The following PLEKHA1 variants were observed in gnomAD, a reference collection of about 807,000 sequenced individuals.
PLEKHA1 encodes the protein pleckstrin homology domain containing A1.
In PLEKHA1, 34 loss-of-function variants were observed where a neutral mutation model predicts 52.0. That is an observed-to-expected ratio of 0.65 (90% CI 0.50 to 0.87). PLEKHA1 has a LOEUF of 0.87. PLEKHA1 is among the 40% of genes least tolerant of loss of function. The pLI, the probability that PLEKHA1 is intolerant of heterozygous loss-of-function variation, is 0.00. For synonymous variants in PLEKHA1, 163 were observed against 170.7 expected (o/e 0.95, Z 0.35); for missense variants, 497 against 504.2 (o/e 0.99, Z 0.14).
intron 1 of PLEKHA1, among the ~76,000 whole-genome samples, chr10:122,383,033 A>G (rs1420366874): frequency 6.6e-6 from 1 of 152,192 alleles, no homozygotes; most frequent in Non-Finnish European, 1.5e-5. Context: ...TCATCAGTAT[A>G]GTGTGTTGTC....
At chr10:122,396,531 G>A (rs1007425558) in intron 2 of PLEKHA1, among the ~76,000 whole-genome samples, 1 of 152,030 alleles carries the variant, frequency 6.6e-6, no homozygotes, top group African/African-American at 2.4e-5. Context: ...ACAATATATA[G>A]GTGTGAAAGT....
intron 11 of PLEKHA1, among the ~76,000 whole-genome samples, chr10:122,428,653 C>T (rs529263051): frequency 1.1e-4 from 17 of 148,002 alleles, no homozygotes; most frequent in African/African-American, 2.1e-4. Flanking sequence ...ACAATACTTA[C>T]GAAATGCACC....
At chr10:122,417,054 G>T (rs942829231) in intron 7 of PLEKHA1, 5 of 152,846 alleles carry the variant, frequency 3.3e-5, no homozygotes, top group Non-Finnish European at 7.3e-5. Flanking sequence ...TAGCCTGATG[G>T]TTCCTTTTTG....
chr10:122,381,642 C>A (rs1034558026), intron 1 of PLEKHA1, among the ~76,000 whole-genome samples: 2 of 152,196 alleles, frequency 1.3e-5, no homozygotes, highest in African/African-American at 4.8e-5. Flanking sequence ...CTAATTAAAC[C>A]TCTTTTCTTT....
the PLEKHA1 span, chr10:122,440,828 C>T: frequency 4.6e-5 from 7 of 152,236 alleles, no homozygotes; most frequent in African/African-American, 1.2e-4. Context: ...AAAATGCAAA[C>T]GAATTCTAGT....
intron 1 of PLEKHA1, chr10:122,386,768 A>C: frequency 6.6e-6 from 1 of 152,212 alleles, no homozygotes; most frequent in Non-Finnish European, 1.5e-5. Flanking sequence ...TACTAGAAGA[A>C]TTTTTAAAAG....
At chr10:122,382,589 T>C (rs1004016860) in intron 1 of PLEKHA1, among the ~76,000 whole-genome samples, 26 of 152,248 alleles carry the variant, frequency 1.7e-4, no homozygotes, top group Non-Finnish European at 3.5e-4. Flanking sequence ...TAGTGTTCAT[T>C]GAAGATGCTT....
intron 1 of PLEKHA1, chr10:122,387,940 A>T (rs1246924121): frequency 6.6e-6 from 1 of 152,208 alleles, no homozygotes; most frequent in Non-Finnish European, 1.5e-5. Flanking sequence ...TCAAACTAAG[A>T]AGTAAGATAA....
rs150353694 is a variant in PLEKHA1, at chr10:122,400,053, T to C, written c.199-290T>C. Among the ~76,000 whole-genome samples the C allele has an allele frequency of 3.7e-4, 57 of 152,360 alleles. No homozygotes were observed. In the East Asian group the frequency reaches 8.7e-3, roughly 23 times the overall value. The stretch of plus-strand genomic sequence containing the variant: ...TTTAAACTAAAAATACTTGTGTGTA[T>C]GACATAAAGCCTAATGGTTTACTTT... On this transcript the variant is annotated intron_variant, in intron 3 of 11. Transcript: ENST00000368990.
chr10:122,403,997 T>G (rs1409036174), intron 4 of PLEKHA1, among the ~76,000 whole-genome samples: 1 of 152,160 alleles, frequency 6.6e-6, no homozygotes, highest in Non-Finnish European at 1.5e-5. Context: ...CTGCTTTACA[T>G]TTTTTATAGT....
intron 1 of PLEKHA1, among the ~76,000 whole-genome samples, chr10:122,377,510 A>C (rs1032171697): frequency 3.3e-5 from 5 of 152,216 alleles, no homozygotes; most frequent in African/African-American, 1.2e-4. Context: ...CACATCCAGC[A>C]TTTAAGAATT....
At chr10:122,428,654 G>A (rs1055214609) in intron 11 of PLEKHA1, among the ~76,000 whole-genome samples, 5 of 152,022 alleles carry the variant, frequency 3.3e-5, no homozygotes, top group African/African-American at 4.8e-5. Context: ...CAATACTTAC[G>A]AAATGCACCA....
intron 4 of PLEKHA1, among the ~76,000 whole-genome samples, chr10:122,403,363 C>T (rs570550792): frequency 2.6e-5 from 4 of 152,194 alleles, no homozygotes; most frequent in African/African-American, 9.6e-5. Flanking sequence ...ACCTCTTGAT[C>T]CAAAACCGTA....
At chr10:122,404,808 T>G (rs934715115) in intron 4 of PLEKHA1, among the ~76,000 whole-genome samples, 1 of 152,218 alleles carries the variant, frequency 6.6e-6, no homozygotes, top group African/African-American at 2.4e-5. Context: ...GACCTTCATC[T>G]CAATTCAAGG....
intron 1 of PLEKHA1, among the ~76,000 whole-genome samples, chr10:122,382,603 TAA>T (rs1317937122): frequency 6.6e-6 from 1 of 152,222 alleles, no homozygotes; most frequent in African/African-American, 2.4e-5. Flanking sequence ...GATGCTTGTG[TAA>T]ATCAGTGAGA....
At chr10:122,422,937 A>T (rs963598067) in intron 8 of PLEKHA1, 1 of 152,198 alleles carries the variant, frequency 6.6e-6, no homozygotes, top group African/African-American at 2.4e-5. Context: ...TCTGTCACAC[A>T]CATATATAAA....
the PLEKHA1 span, chr10:122,438,677 G>C: frequency 6.6e-6 from 1 of 152,254 alleles, no homozygotes; most frequent in Non-Finnish European, 1.5e-5. Flanking sequence ...AACCCACTGA[G>C]CTCTGTGTGC....
At chr10:122,425,178 G>A (rs1485823874) in intron 10 of PLEKHA1, 5 of 360,910 alleles carry the variant, frequency 1.4e-5, no homozygotes, top group Non-Finnish European at 2.5e-5. Flanking sequence ...CTAGAACTAA[G>A]TATTTAGAGA....
At chr10:122,396,280 A>G (rs916856036) in intron 2 of PLEKHA1, among the ~76,000 whole-genome samples, 2 of 152,120 alleles carry the variant, frequency 1.3e-5, no homozygotes, top group African/African-American at 2.4e-5. Context: ...TTTTGAAAAA[A>G]TCACTTTGGT....
Sources: allele counts gnomAD v4.1 joint callset (sites outside exome capture counted in the v4.1 genomes callset), GRCh38; gene constraint gnomAD v4.1.1; transcripts MANE v1.5; gene names NCBI Gene and HGNC (gene_info 2026-07-23, HGNC 2026-07-21).